PSD3: variants seen among roughly 807,000 people sequenced by gnomAD.
PSD3 encodes PH and SEC7 domain-containing protein 3.
Under a neutral mutation model 105.5 loss-of-function variants are expected in PSD3, and 49 were observed. The observed-to-expected ratio is 0.46, with a 90% CI of 0.37 to 0.59. PSD3 has a LOEUF of 0.59. Ranked by LOEUF, PSD3 falls within the 20% of genes least tolerant of loss-of-function variation. PSD3 has a pLI of 0.00. For synonymous variants in PSD3, 557 were observed against 457.8 expected (o/e 1.22, Z -2.77); for missense variants, 1,561 against 1,263.8 (o/e 1.24, Z -3.57).
chr8:18,893,386 G>T (rs1818935871), intron 2 of PSD3, among the ~76,000 whole-genome samples: 1 of 152,134 alleles, frequency 6.6e-6, no homozygotes, highest in South Asian at 2.1e-4. Context: ...CATCTAAGTG[G>T]GCAACAGGAA....
intron 7 of PSD3, among the ~76,000 whole-genome samples, chr8:18,800,188 A>G (rs34059664): frequency 0.37 from 55,676 of 152,060 alleles, 11,352 homozygotes; most frequent in Non-Finnish European, 0.46. Flanking sequence ...CATATTTCTT[A>G]TTTTATCCAA....
chr8:18,601,094 T>C (rs964436276), intron 11 of PSD3, among the ~76,000 whole-genome samples: 3 of 152,196 alleles, frequency 2.0e-5, no homozygotes, highest in Non-Finnish European at 2.9e-5. Flanking sequence ...AAATCGAGTA[T>C]ACTGCAAGAC....
intron 1 of PSD3, among the ~76,000 whole-genome samples, chr8:18,948,866 G>C (rs532390273): frequency 6.6e-6 from 1 of 151,356 alleles, no homozygotes; most frequent in East Asian, 2.0e-4. Flanking sequence ...GGAATCATGA[G>C]AAGTAAGTGT....
At chr8:19,072,364 G>A (rs1209550422) in intron 1 of PSD3, among the ~76,000 whole-genome samples, 1 of 152,162 alleles carries the variant, frequency 6.6e-6, no homozygotes, top group East Asian at 1.9e-4. Context: ...TGGGATTATA[G>A]GACTGAGCCA....
rs181235882 is a variant in PSD3 at position 18,587,048 on chromosome 8, T to C, written c.2482-11763A>G. ...AATGACACTAACTTTGGGCCAGGGCTTTTTTCTCCTCTCCTCACCCAAATA... is the reference window on the plus strand; with the variant it reads ...AATGACACTAACTTTGGGCCAGGGCCTTTTTCTCCTCTCCTCACCCAAATA... On this transcript the variant is annotated intron_variant, in intron 12 of 15. Coordinates refer to ENST00000327040, the MANE Select transcript of PSD3 (RefSeq NM_015310.4). Among the ~76,000 whole-genome samples, 518 of 152,232 alleles carry C rather than the reference T, an allele frequency of 3.4e-3. 6 individuals are homozygous for C. The highest frequency in any genetic ancestry group is 2.5e-3 in the Non-Finnish European group (172 of 68,010).
chr8:18,671,774 G>A (rs1436239742), intron 9 of PSD3, among the ~76,000 whole-genome samples: 2 of 152,070 alleles, frequency 1.3e-5, no homozygotes, highest in Non-Finnish European at 2.9e-5. Flanking sequence ...TGGGACTATA[G>A]GTGCCCGCCA....
intron 1 of PSD3, among the ~76,000 whole-genome samples, chr8:19,080,774 C>A (rs950970275): frequency 6.6e-6 from 1 of 152,062 alleles, no homozygotes; most frequent in South Asian, 2.1e-4. Flanking sequence ...TCAATCTTTT[C>A]GCAAATTTAA....
intron 9 of PSD3, among the ~76,000 whole-genome samples, chr8:18,671,895 T>C (rs964452830): frequency 1.3e-5 from 2 of 152,266 alleles, no homozygotes; most frequent in South Asian, 2.1e-4. Flanking sequence ...CCTCCCAAAG[T>C]GCTGGAATTA....
At chr8:18,791,848 G>T (rs1324290834) in intron 8 of PSD3, among the ~76,000 whole-genome samples, 1 of 151,988 alleles carries the variant, frequency 6.6e-6, no homozygotes, top group Non-Finnish European at 1.5e-5. Context: ...TCTAATACCC[G>T]GCACCTACAA....
At chr8:18,791,174 T>C (rs1809686368) in intron 8 of PSD3, among the ~76,000 whole-genome samples, 1 of 152,108 alleles carries the variant, frequency 6.6e-6, no homozygotes, top group East Asian at 1.9e-4. Context: ...ATAGATTCAA[T>C]GCTATCCCCA....
intron 12 of PSD3, among the ~76,000 whole-genome samples, chr8:18,591,856 C>T (rs1463806158): frequency 6.6e-6 from 1 of 152,030 alleles, no homozygotes; most frequent in South Asian, 2.1e-4. Flanking sequence ...GTGTTGCAGA[C>T]AGACATCAAA....
intron 8 of PSD3, among the ~76,000 whole-genome samples, chr8:18,776,476 T>C (rs939464420): frequency 2.6e-5 from 4 of 151,718 alleles, no homozygotes; most frequent in Non-Finnish European, 5.9e-5. Flanking sequence ...CTATACCTCC[T>C]AGGTTCAAGT....
chr8:18,773,173 A>G (rs11783955), intron 8 of PSD3, among the ~76,000 whole-genome samples: 67,817 of 151,998 alleles, frequency 0.45, 17,973 homozygotes, highest in Non-Finnish European at 0.6. Context: ...TCTTTAAAAC[A>G]TTGAGATAAT....
chr8:18,593,748 G>C (rs1803791119), intron 12 of PSD3, among the ~76,000 whole-genome samples: 1 of 152,016 alleles, frequency 6.6e-6, no homozygotes, highest in Non-Finnish European at 1.5e-5. Flanking sequence ...TGATAGACTG[G>C]ATTAAGAAAA....
chr8:18,985,899 G>A (rs1025838609), intron 1 of PSD3, among the ~76,000 whole-genome samples: 1 of 151,546 alleles, frequency 6.6e-6, no homozygotes, highest in Admixed American at 6.6e-5. Flanking sequence ...TAAATTAATA[G>A]TATTATATTA....
Position 18,531,553 on chromosome 8 carries a change from G to T in PSD3, c.*4190C>A, listed in dbSNP as rs1336842887. 6.6e-6 allele frequency: 1 copy of T among 152,316 alleles called. No individual in the cohort carries two copies. The highest frequency in any genetic ancestry group is 1.5e-5 in the Non-Finnish European group (1 of 68,088). The allele number at this position is 152,316 out of a possible 1,614,324, so 9.4% of individuals were successfully genotyped here. ...TAAGATGCTATAAGACTGGTGGAAA[G>T]AAATTTGCTGACATGTGGCAGAGCA... is the stretch of plus-strand genomic sequence containing the variant. On this transcript the variant is annotated 3_prime_UTR_variant, in exon 16 of 16. Transcript: ENST00000327040.
At chr8:18,740,979 A>G (rs769480745) in intron 9 of PSD3, among the ~76,000 whole-genome samples, 4 of 152,218 alleles carry the variant, frequency 2.6e-5, no homozygotes, top group Non-Finnish European at 5.9e-5. Flanking sequence ...CCCTCAAGAA[A>G]TAAGTCCTGG....
At chr8:18,925,577 CG>C (rs1168487629) in intron 2 of PSD3, among the ~76,000 whole-genome samples, 2 of 151,966 alleles carry the variant, frequency 1.3e-5, no homozygotes, top group East Asian at 3.9e-4. Context: ...GGAGTGCCAA[CG>C]TAACACAAGC....
At chr8:18,667,959 ACCGG>A (rs1799574543) in intron 9 of PSD3, among the ~76,000 whole-genome samples, 1 of 152,186 alleles carries the variant, frequency 6.6e-6, no homozygotes, top group South Asian at 2.1e-4. Flanking sequence ...GGCCAGCGGC[ACCGG>A]CCGGCCGCTC....
Sources: allele counts gnomAD v4.1 joint callset (sites outside exome capture counted in the v4.1 genomes callset), GRCh38; gene constraint gnomAD v4.1.1; transcripts MANE v1.5; gene names NCBI Gene and HGNC (gene_info 2026-07-23, HGNC 2026-07-21).